The following CHLSN variants were observed in gnomAD, a reference collection of about 807,000 sequenced individuals.
CHLSN encodes the protein cholesin.
At chr7:1,000,702 C>A in the CHLSN span, 1 of 641,320 alleles carries the variant, frequency 1.6e-6, no homozygotes, top group African/African-American at 1.8e-5. Context: ...GTTTTTGGAG[C>A]CCCTCCCCTG....
At chr7:1,133,189 C>T in the CHLSN span, among the ~76,000 whole-genome samples, 1 of 152,066 alleles carries the variant, frequency 6.6e-6, no homozygotes, top group Non-Finnish European at 1.5e-5. Flanking sequence ...ACGCCCAAGA[C>T]TCCACACTGC....
chr7:1,010,247 A>C, the CHLSN span: 1 of 1,054,924 alleles, frequency 9.5e-7, no homozygotes, highest in Non-Finnish European at 1.3e-6. Context: ...TAGTGGCCAA[A>C]AGCTCTGTCC....
the CHLSN span, among the ~76,000 whole-genome samples, chr7:1,037,250 A>T: frequency 2.8e-5 from 4 of 140,432 alleles, no homozygotes; most frequent in African/African-American, 1.0e-4. Flanking sequence ...GGAACAGTAC[A>T]ATAAGGCAAG....
chr7:1,006,161 G>A, the CHLSN span, among the ~76,000 whole-genome samples: 1 of 152,376 alleles, frequency 6.6e-6, no homozygotes, highest in East Asian at 1.9e-4. Context: ...ACAGAAAGTG[G>A]AGGGACTGCT....
chr7:1,060,783 G>A, the CHLSN span, among the ~76,000 whole-genome samples: 2 of 152,230 alleles, frequency 1.3e-5, no homozygotes, highest in African/African-American at 4.8e-5. Context: ...CTCCCTCCCA[G>A]TCCCTCTGGA....
the CHLSN span, among the ~76,000 whole-genome samples, chr7:985,641 G>A: frequency 1.3e-5 from 2 of 152,210 alleles, no homozygotes; most frequent in African/African-American, 4.8e-5. Context: ...CTCCATGTCT[G>A]CCCCCCAAGC....
At chr7:1,047,745 C>G in the CHLSN span, among the ~76,000 whole-genome samples, 1 of 152,242 alleles carries the variant, frequency 6.6e-6, no homozygotes, top group Non-Finnish European at 1.5e-5. Flanking sequence ...CCTCGCAGTT[C>G]TCTTTCCACT....
At chr7:1,094,873 C>T in the CHLSN span, among the ~76,000 whole-genome samples, 1 of 152,192 alleles carries the variant, frequency 6.6e-6, no homozygotes, top group African/African-American at 2.4e-5. Context: ...AGAGCGCTGC[C>T]CAGACCGTGG....
chr7:989,798 G>A, the CHLSN span, among the ~76,000 whole-genome samples: 2 of 152,208 alleles, frequency 1.3e-5, no homozygotes, highest in Non-Finnish European at 2.9e-5. Flanking sequence ...AGAAGGAAAT[G>A]TCGAGCCACA....
At chr7:1,005,944 G>C in the CHLSN span, among the ~76,000 whole-genome samples, 1 of 152,260 alleles carries the variant, frequency 6.6e-6, no homozygotes, top group Non-Finnish European at 1.5e-5. Context: ...GGGAGGCAGC[G>C]GTCACCTCGC....
chr7:1,024,274 G>C, the CHLSN span, among the ~76,000 whole-genome samples: 5 of 152,200 alleles, frequency 3.3e-5, no homozygotes, highest in African/African-American at 1.2e-4. Context: ...GAGCTCAGAA[G>C]CCTCAGCTCA....
At chr7:1,091,528 G>A in the CHLSN span, 3 of 562,962 alleles carry the variant, frequency 5.3e-6, no homozygotes, top group East Asian at 8.8e-5. Flanking sequence ...CCGGTGTGAG[G>A]AGCATCTGTT....
At chr7:1,024,929 G>A in the CHLSN span, 2 of 152,338 alleles carry the variant, frequency 1.3e-5, no homozygotes, top group African/African-American at 2.4e-5. Context: ...GGAGCAGGCA[G>A]AAGACGACCC....
At chr7:1,008,854 AAC>A in the CHLSN span, among the ~76,000 whole-genome samples, 4,018 of 150,672 alleles carry the variant, frequency 0.027, 162 homozygotes, top group African/African-American at 0.092. Context: ...CACACACGTA[AAC>A]ACACGCACAC....
At chr7:1,084,391 C>T in the CHLSN span, among the ~76,000 whole-genome samples, 3 of 152,228 alleles carry the variant, frequency 2.0e-5, no homozygotes, top group Non-Finnish European at 4.4e-5. Flanking sequence ...CGCACTTCTC[C>T]GAACCTCGGG....
At chr7:997,869 A>C in the CHLSN span, 1 of 1,447,666 alleles carries the variant, frequency 6.9e-7, no homozygotes, top group African/African-American at 1.5e-5. Context: ...ACAGCAGGAG[A>C]CAAGACGCTG....
the CHLSN span, among the ~76,000 whole-genome samples, chr7:1,059,809 G>A: frequency 8.0e-3 from 573 of 71,518 alleles, 39 homozygotes; most frequent in Admixed American, 0.029. Flanking sequence ...GCCCGTAGTG[G>A]GGCGGGTCTG....
At chr7:1,041,352 AAGGG>A in the CHLSN span, among the ~76,000 whole-genome samples, 14 of 97,360 alleles carry the variant, frequency 1.4e-4, no homozygotes, top group African/African-American at 5.6e-4. Context: ...CGCTGCGGGG[AAGGG>A]GGCCTGGGGT....
chr7:983,207 T>C, the CHLSN span: 1 of 1,492,158 alleles, frequency 6.7e-7, no homozygotes, highest in East Asian at 2.6e-5. Context: ...ACCAGCCACG[T>C]CCTCATGGCC....
Sources: allele counts gnomAD v4.1 joint callset (sites outside exome capture counted in the v4.1 genomes callset), GRCh38; gene constraint gnomAD v4.1.1; transcripts MANE v1.5; gene names NCBI Gene and HGNC (gene_info 2026-07-23, HGNC 2026-07-21).